C1GALT1: variants seen among roughly 807,000 people sequenced by gnomAD.
C1GALT1 encodes core 1 synthase, glycoprotein-N-acetylgalactosamine 3-beta-galactosyltransferase 1, also known as glycoprotein-N-acetylgalactosamine 3-beta-galactosyltransferase 1.
A neutral mutation model predicts 31.0 loss-of-function variants in C1GALT1; 11 were observed. The observed-to-expected ratio is 0.36, with a 90% CI of 0.22 to 0.59. C1GALT1 has a LOEUF of 0.59. C1GALT1 is among the 20% of genes least tolerant of loss of function. The pLI is 0.79. For synonymous variants in C1GALT1, 175 were observed against 143.6 expected, an observed-to-expected ratio of 1.22 and a Z score of -1.56; for missense variants, 424 against 425.2, an observed-to-expected ratio of 1.00 and a Z score of 0.03.
upstream of C1GALT1, chr7:7,182,443 G>GGCA (rs1392886708): frequency 6.6e-6 from 1 of 152,232 alleles, no homozygotes; most frequent in Non-Finnish European, 1.5e-5. Context: ...GCGTGCACCC[G>GGCA]GCAGCCAATC....
intron 1 of C1GALT1, among the ~76,000 whole-genome samples, chr7:7,218,805 C>T (rs1162736203): frequency 1.3e-5 from 2 of 151,698 alleles, no homozygotes; most frequent in Non-Finnish European, 2.9e-5. Context: ...GGTTTAAAAT[C>T]AAATTGGTAT....
At chr7:7,231,147 G>T (rs569713180) in intron 1 of C1GALT1, among the ~76,000 whole-genome samples, 2 of 152,290 alleles carry the variant, frequency 1.3e-5, no homozygotes, top group South Asian at 4.1e-4. Context: ...TAGGTTGGTA[G>T]TTCTGTTCTT....
At chr7:7,204,846 CCTT>C (rs1380871787) in intron 1 of C1GALT1, among the ~76,000 whole-genome samples, 3 of 152,072 alleles carry the variant, frequency 2.0e-5, no homozygotes, top group African/African-American at 2.4e-5. Flanking sequence ...TTTCCATTTT[CCTT>C]CTTTTATTGA....
At chr7:7,187,872 C>G (rs1357610312) in intron 1 of C1GALT1, among the ~76,000 whole-genome samples, 2 of 152,146 alleles carry the variant, frequency 1.3e-5, no homozygotes, top group Non-Finnish European at 2.9e-5. Context: ...CCTGGACAGG[C>G]TCTAGGTCAT....
intron 3 of C1GALT1, 112 bp from the exon 4 acceptor site, chr7:7,243,412 C>G: frequency 1.2e-6 from 1 of 863,950 alleles, no homozygotes; most frequent in Non-Finnish European, 1.8e-6. Context: ...TTTACCTTGC[C>G]ATCTTTAATG....
In C1GALT1 at chr7:7,208,478, T is replaced by C. The variant is rs1193132817; in HGVS notation, c.-18+25658T>C. 2.0e-5 allele frequency among the ~76,000 whole-genome samples: 3 copies of C among 152,122 alleles called. 1 individual carries two copies. The highest frequency in any genetic ancestry group is 4.8e-5 in the African/African-American group (2 of 41,416). On this transcript the variant is annotated intron_variant, in intron 1 of 3. Transcript: ENST00000436587. ...TAAAGGGGGACTACTATAGTGAATTTCTATTTTCCCTTGTATATGCAGTTT... is the reference window on the plus strand; with the variant it reads ...TAAAGGGGGACTACTATAGTGAATTCCTATTTTCCCTTGTATATGCAGTTT...
intron 1 of C1GALT1, among the ~76,000 whole-genome samples, chr7:7,204,823 C>T (rs368733633): frequency 1.3e-5 from 2 of 152,118 alleles, no homozygotes; most frequent in Non-Finnish European, 1.5e-5. Context: ...TTGATTTCCA[C>T]GCATTTGTGA....
chr7:7,174,712 C>G (rs1424094512), intron 2 of C1GALT1, among the ~76,000 whole-genome samples: 1 of 152,074 alleles, frequency 6.6e-6, no homozygotes, highest in Non-Finnish European at 1.5e-5. Flanking sequence ...ACTGACTCTT[C>G]TGCTTGCTCA....
intron 1 of C1GALT1, among the ~76,000 whole-genome samples, chr7:7,220,914 C>T (rs1170644913): frequency 6.6e-6 from 1 of 152,168 alleles, no homozygotes; most frequent in Admixed American, 6.5e-5. Flanking sequence ...TTCTCCACTG[C>T]TTTTTAGCTT....
intron 1 of C1GALT1, among the ~76,000 whole-genome samples, chr7:7,227,706 C>T (rs1160948223): frequency 6.1e-5 from 8 of 130,318 alleles, no homozygotes; most frequent in Non-Finnish European, 1.1e-4. Flanking sequence ...GGCAACAGAG[C>T]GAGACTCCGT....
intron 1 of C1GALT1, among the ~76,000 whole-genome samples, chr7:7,201,858 T>G (rs142034252): frequency 2.8e-4 from 43 of 152,360 alleles, no homozygotes; most frequent in African/African-American, 9.9e-4. Flanking sequence ...CCCCCGATTC[T>G]GTCCAGGAAA....
upstream of C1GALT1, chr7:7,178,165 T>A (rs11762665): frequency 3.3e-5 from 7 of 209,636 alleles, no homozygotes; most frequent in Non-Finnish European, 5.3e-5. Flanking sequence ...AATTTAGATC[T>A]GTAGATTCTG....
chr7:7,206,052 T>A (rs897385026), intron 1 of C1GALT1, among the ~76,000 whole-genome samples: 1 of 152,226 alleles, frequency 6.6e-6, no homozygotes, highest in Non-Finnish European at 1.5e-5. Context: ...ACACTTAATA[T>A]TTAAAAATTA....
intron 1 of C1GALT1, among the ~76,000 whole-genome samples, chr7:7,184,701 TAAAC>T (rs1389807813): frequency 6.6e-6 from 1 of 152,220 alleles, no homozygotes; most frequent in Non-Finnish European, 1.5e-5. Context: ...CAGCTATAAA[TAAAC>T]CTTAAGTAGA....
At chr7:7,232,359 C>G (rs750989851) in intron 1 of C1GALT1, among the ~76,000 whole-genome samples, 1 of 152,174 alleles carries the variant, frequency 6.6e-6, no homozygotes, top group Non-Finnish European at 1.5e-5. Flanking sequence ...CTTTCACAAA[C>G]TATTTCAAAG....
chr7:7,181,192 A>ATTGCGGAAAAGTGGAAGGATG (rs1780576231), upstream of C1GALT1, among the ~76,000 whole-genome samples: 1 of 109,112 alleles, frequency 9.2e-6, no homozygotes, highest in Non-Finnish European at 2.0e-5. Flanking sequence ...ATGGCAAGAC[A>ATTGCGGAAAAGTGGAAGGATG]TTGCGGAAAG....
intron 1 of C1GALT1, among the ~76,000 whole-genome samples, chr7:7,225,858 A>C (rs1044325983): frequency 1.2e-4 from 19 of 152,322 alleles, no homozygotes; most frequent in Non-Finnish European, 1.9e-4. Context: ...CCTTTTAAGT[A>C]TTCCATTTAA....
At chr7:7,190,306 C>T (rs1319870400) in intron 1 of C1GALT1, among the ~76,000 whole-genome samples, 1 of 151,966 alleles carries the variant, frequency 6.6e-6, no homozygotes, top group African/African-American at 2.4e-5. Flanking sequence ...TTCTGATTCC[C>T]TGGAGACTAC....
chr7:7,171,251 C>A (rs1384123899), intron 2 of C1GALT1, among the ~76,000 whole-genome samples: 10 of 152,096 alleles, frequency 6.6e-5, no homozygotes, highest in Non-Finnish European at 2.9e-5. Context: ...TTAATTCTGT[C>A]AATATTTGCT....
Sources: allele counts gnomAD v4.1 joint callset (sites outside exome capture counted in the v4.1 genomes callset), GRCh38; gene constraint gnomAD v4.1.1; transcripts MANE v1.5; gene names NCBI Gene and HGNC (gene_info 2026-07-23, HGNC 2026-07-21).